TBC1D19: variants seen among roughly 807,000 people sequenced by gnomAD.
TBC1D19 encodes the protein TBC1 domain family, member 19.
A neutral mutation model predicts 89.0 loss-of-function variants in TBC1D19; 60 were observed. That is an observed-to-expected ratio of 0.67 (90% CI 0.55 to 0.84). The LOEUF (loss-of-function observed/expected upper bound fraction) is 0.84. Among genes scored for constraint, TBC1D19 ranks in the 40% least tolerant of loss-of-function variants. The pLI, the probability that TBC1D19 is intolerant of heterozygous loss-of-function variation, is 0.00. For missense variants in TBC1D19, 500 were observed against 610.8 expected (o/e 0.82, Z 1.91); for synonymous variants, 189 against 199.7 (o/e 0.95, Z 0.45).
the TBC1D19 span, among the ~76,000 whole-genome samples, chr4:26,775,713 C>G: frequency 6.6e-6 from 1 of 152,124 alleles, no homozygotes; most frequent in Non-Finnish European, 1.5e-5. Context: ...CTCAGGTATC[C>G]TGTTATAGCA....
intron 4 of TBC1D19, among the ~76,000 whole-genome samples, chr4:26,628,413 G>A (rs139294726): frequency 0.022 from 3,275 of 152,018 alleles, 113 homozygotes; most frequent in African/African-American, 0.073. Context: ...GTTTTTTCCA[G>A]TTCTGTGAAG....
the TBC1D19 span, among the ~76,000 whole-genome samples, chr4:26,793,026 C>G: frequency 2.0e-5 from 3 of 152,310 alleles, no homozygotes; most frequent in South Asian, 6.2e-4. Context: ...TTAAAAGTTA[C>G]TTTTTCCCCC....
At chr4:26,834,544 T>TG in the TBC1D19 span, among the ~76,000 whole-genome samples, 2 of 149,156 alleles carry the variant, frequency 1.3e-5, no homozygotes, top group Non-Finnish European at 3.0e-5. Context: ...CTGGTGGCTA[T>TG]GGGGGGCGGG....
chr4:26,633,672 T>C (rs1314292827), intron 4 of TBC1D19, among the ~76,000 whole-genome samples: 1 of 152,148 alleles, frequency 6.6e-6, no homozygotes, highest in South Asian at 2.1e-4. Flanking sequence ...TAAATCCTGG[T>C]ACTTGCTTCT....
At chr4:26,827,001 G>T in the TBC1D19 span, among the ~76,000 whole-genome samples, 1 of 152,128 alleles carries the variant, frequency 6.6e-6, no homozygotes, top group African/African-American at 2.4e-5. Flanking sequence ...TCCTCAGGAG[G>T]TTTCACTACC....
At chr4:26,625,556 C>G in intron 4 of TBC1D19, among the ~76,000 whole-genome samples, 1 of 152,088 alleles carries the variant, frequency 6.6e-6, no homozygotes, top group East Asian at 1.9e-4. Context: ...TTAGTTGTAA[C>G]CTAATGTCCT....
intron 2 of TBC1D19, 64 bp downstream of exon 2, chr4:26,613,305 T>G: frequency 9.2e-7 from 1 of 1,081,622 alleles, no homozygotes; most frequent in South Asian, 1.5e-5. Context: ...TTCCTAATTC[T>G]TTAAGCCCTC....
At chr4:26,582,455 G>C (rs1739110411), upstream of TBC1D19, among the ~76,000 whole-genome samples, 1 of 152,144 alleles carries the variant, frequency 6.6e-6, no homozygotes, top group African/African-American at 2.4e-5. Context: ...CTTTTCAGCT[G>C]AAGCATCTTT....
At chr4:26,835,117 G>A in the TBC1D19 span, among the ~76,000 whole-genome samples, 491 of 152,312 alleles carry the variant, frequency 3.2e-3, 1 homozygote, top group Non-Finnish European at 5.4e-3. Context: ...GATCTTGATG[G>A]GAAGATAATC....
At position 26,598,411 on chromosome 4, in the gene TBC1D19, T is replaced by A. The variant is rs1480222496; in HGVS notation, c.99+14119T>A. 2.6e-5 allele frequency among the ~76,000 whole-genome samples: 4 copies of A among 151,828 alleles called. No homozygotes were observed. The East Asian group carries it at 7.7e-4, about 29-fold the overall frequency. Reference sequence around the variant, plus strand: ...ACTAAATATTCTTCTTTTTTTTTTCTTGAGACGGAGTCTTGCTCTGTCGCC... The same window carrying A: ...ACTAAATATTCTTCTTTTTTTTTTCATGAGACGGAGTCTTGCTCTGTCGCC... On this transcript the variant is annotated intron_variant, in intron 1 of 20. Coordinates refer to ENST00000264866, the MANE Select transcript of TBC1D19 (RefSeq NM_018317.4).
intron 12 of TBC1D19, 143 bp downstream of exon 12, chr4:26,683,892 T>C (rs1433039059): frequency 7.9e-6 from 5 of 634,058 alleles, no homozygotes; most frequent in Non-Finnish European, 1.2e-5. Flanking sequence ...CATATAAAGT[T>C]AAAGTTGGTG....
At chr4:26,832,867 G>A in the TBC1D19 span, among the ~76,000 whole-genome samples, 2 of 152,036 alleles carry the variant, frequency 1.3e-5, no homozygotes, top group African/African-American at 4.8e-5. Flanking sequence ...GGTGGCATGT[G>A]CCTGTAATCC....
the TBC1D19 span, among the ~76,000 whole-genome samples, chr4:26,762,218 G>A: frequency 2.6e-5 from 4 of 152,208 alleles, no homozygotes; most frequent in South Asian, 8.3e-4. Context: ...ATACAGAGAA[G>A]ATAGATTAAG....
chr4:26,701,984 C>G (rs1252896750), intron 13 of TBC1D19, among the ~76,000 whole-genome samples: 1 of 152,070 alleles, frequency 6.6e-6, no homozygotes, highest in African/African-American at 2.4e-5. Flanking sequence ...GAAGTTTGTC[C>G]CATTTGGTCA....
At chr4:26,732,314 C>G (rs1004412173) in intron 15 of TBC1D19, among the ~76,000 whole-genome samples, 3 of 152,150 alleles carry the variant, frequency 2.0e-5, no homozygotes, top group African/African-American at 7.2e-5. Context: ...TGATTCTCAC[C>G]TCCACAGCTT....
intron 13 of TBC1D19, among the ~76,000 whole-genome samples, chr4:26,693,647 G>GT (rs1714491046): frequency 1.3e-5 from 2 of 151,494 alleles, no homozygotes; most frequent in Admixed American, 6.6e-5. Flanking sequence ...GTGAGCTGTG[G>GT]TTATGCCATT....
At chr4:26,808,405 A>G in the TBC1D19 span, among the ~76,000 whole-genome samples, 1 of 152,190 alleles carries the variant, frequency 6.6e-6, no homozygotes, top group Admixed American at 6.5e-5. Context: ...CACCTCTAAG[A>G]TGACACATTA....
At chr4:26,783,824 A>T in the TBC1D19 span, among the ~76,000 whole-genome samples, 1 of 152,160 alleles carries the variant, frequency 6.6e-6, no homozygotes, top group African/African-American at 2.4e-5. Context: ...TTCCCCTACA[A>T]TGCCTGGCAA....
rs771423756 is a variant in TBC1D19, at chr4:26,673,882, A to T, written c.810A>T (p.Gln270His). ...LWALILNISS[Q>H]PEDVLYYEQL... ...CTCTCATTTTGAATATTTCCAGCCA[A>T]CCTGAGGTAAGAAGAAAAAAAGGGT... is the stretch of plus-strand genomic sequence containing the variant. Residue 270 changes from glutamine to histidine, a missense_variant, in exon 11 of 21, where the codon CAA becomes CAT. By Grantham distance (24) the Gln-to-His change is conservative. Coordinates refer to ENST00000264866, the MANE Select transcript of TBC1D19 (RefSeq NM_018317.4). 6.3e-7 allele frequency: 1 copy of T among 1,586,094 alleles called. No homozygotes were observed. The highest frequency in any genetic ancestry group is 8.6e-7 in the Non-Finnish European group (1 of 1,163,152).
Sources: gnomAD v4.1 joint callset for allele counts (sites outside exome capture counted in the v4.1 genomes callset) on GRCh38, gnomAD v4.1.1 for gene constraint, MANE v1.5 for transcripts, NCBI Gene and HGNC (gene_info 2026-07-23, HGNC 2026-07-21) for gene names.